Variants in CHRM3 observed in about 807,000 individuals in gnomAD.
CHRM3 encodes muscarinic acetylcholine receptor M3.
In CHRM3, 11 loss-of-function variants were observed where a neutral mutation model predicts 41.8. The observed-to-expected ratio is 0.26, with a 90% CI of 0.17 to 0.44. The LOEUF (loss-of-function observed/expected upper bound fraction) is 0.44. CHRM3 is among the 20% of genes least tolerant of loss of function. The pLI, the probability that CHRM3 is intolerant of heterozygous loss-of-function variation, is 1.00. For synonymous variants in CHRM3, 297 were observed against 301.4 expected (o/e 0.99, Z 0.15); for missense variants, 571 against 745.4 (o/e 0.77, Z 2.72).
At chr1:239,530,101 C>G (rs1670291289) in intron 2 of CHRM3, among the ~76,000 whole-genome samples, 2 of 152,120 alleles carry the variant, frequency 1.3e-5, no homozygotes. Flanking sequence ...GATGGGGTTT[C>G]ACCGTGTTAG....
chr1:239,768,457 C>CACTT (rs1407966813), intron 5 of CHRM3, among the ~76,000 whole-genome samples: 1 of 146,758 alleles, frequency 6.8e-6, no homozygotes, highest in Non-Finnish European at 1.5e-5. Flanking sequence ...AATGACGCAG[C>CACTT]ACTTATGCCT....
intron 2 of CHRM3, among the ~76,000 whole-genome samples, chr1:239,539,063 A>G (rs1238211944): frequency 6.6e-6 from 1 of 152,054 alleles, no homozygotes; most frequent in African/African-American, 2.4e-5. Context: ...GGCCCACCCA[A>G]CCCTTGGTGT....
At chr1:239,806,956 G>T (rs1257986736) in intron 5 of CHRM3, among the ~76,000 whole-genome samples, 2 of 152,140 alleles carry the variant, frequency 1.3e-5, no homozygotes, top group Non-Finnish European at 2.9e-5. Flanking sequence ...TCCATAGGCT[G>T]CACCCAAGCC....
chr1:239,422,654 G>T (rs1024577901), intron 1 of CHRM3, among the ~76,000 whole-genome samples: 2 of 151,944 alleles, frequency 1.3e-5, no homozygotes. Flanking sequence ...AATTAGCCAG[G>T]CATGGTGGCG....
At position 239,611,540 on chromosome 1, in the gene CHRM3, C is replaced by T. The variant is rs1230920220; in HGVS notation, c.-312-20684C>T. 7.2e-5 allele frequency among the ~76,000 whole-genome samples: 11 copies of T among 151,788 alleles called. No homozygotes were observed. In the East Asian group the frequency reaches 2.0e-3, roughly 27 times the overall value. On this transcript the variant is annotated intron_variant, in intron 3 of 6. Transcript: ENST00000676153. ...GGTTCAAGGGATTCTCCCGCCTCCA[C>T]CTCCTAAGTAGCTGGGATTACAGGC... is the stretch of plus-strand genomic sequence containing the variant.
chr1:239,617,162 C>T (rs1667724177), intron 3 of CHRM3, among the ~76,000 whole-genome samples: 2 of 152,156 alleles, frequency 1.3e-5, no homozygotes, highest in Admixed American at 1.3e-4. Context: ...TCACAGTCCA[C>T]ATCTCAGTTT....
intron 2 of CHRM3, among the ~76,000 whole-genome samples, chr1:239,497,103 G>A (rs926386785): frequency 1.3e-5 from 2 of 152,138 alleles, no homozygotes; most frequent in Admixed American, 1.3e-4. Context: ...GCCAAAGAGG[G>A]ACAGCATTTT....
intron 4 of CHRM3, among the ~76,000 whole-genome samples, chr1:239,674,613 G>A (rs1657790514): frequency 6.6e-6 from 1 of 151,428 alleles, no homozygotes; most frequent in Admixed American, 6.6e-5. Flanking sequence ...TGAAGGCTGA[G>A]GCAGGAGAAT....
intron 1 of CHRM3, among the ~76,000 whole-genome samples, chr1:239,417,893 T>C (rs547687572): frequency 8.4e-4 from 128 of 152,318 alleles, no homozygotes; most frequent in African/African-American, 2.9e-3. Flanking sequence ...CAGATTTTTT[T>C]CCTTGTCAAT....
At chr1:239,437,999 G>A (rs1663407890) in intron 1 of CHRM3, among the ~76,000 whole-genome samples, 1 of 152,140 alleles carries the variant, frequency 6.6e-6, no homozygotes, top group African/African-American at 2.4e-5. Context: ...GGGAATGGAG[G>A]GATCACATGG....
chr1:239,601,241 G>A (rs914778272), intron 3 of CHRM3, among the ~76,000 whole-genome samples: 1 of 152,196 alleles, frequency 6.6e-6, no homozygotes, highest in African/African-American at 2.4e-5. Context: ...GCTGTTTGGT[G>A]ATGGATGGGA....
intron 1 of CHRM3, among the ~76,000 whole-genome samples, chr1:239,425,660 G>T (rs1186661494): frequency 2.6e-5 from 4 of 152,116 alleles, no homozygotes; most frequent in African/African-American, 9.7e-5. Context: ...GTTTCACTGA[G>T]CGAAACTAAA....
At chr1:239,444,907 G>C (rs1196173981) in intron 1 of CHRM3, among the ~76,000 whole-genome samples, 1 of 152,170 alleles carries the variant, frequency 6.6e-6, no homozygotes, top group Non-Finnish European at 1.5e-5. Context: ...GGCGGAGATA[G>C]TAAAAGAAAG....
intron 1 of CHRM3, among the ~76,000 whole-genome samples, chr1:239,454,209 T>G (rs1664761700): frequency 1.3e-5 from 2 of 152,182 alleles, no homozygotes; most frequent in African/African-American, 4.8e-5. Context: ...ATAGCAAGTC[T>G]GAGCTTCTGG....
intron 5 of CHRM3, among the ~76,000 whole-genome samples, chr1:239,740,775 C>A (rs1664781153): frequency 6.6e-6 from 1 of 152,150 alleles, no homozygotes; most frequent in South Asian, 2.1e-4. Context: ...GATACCATTT[C>A]ACACCAGTTA....
intron 5 of CHRM3, among the ~76,000 whole-genome samples, chr1:239,821,644 G>A (rs1303837610): frequency 3.9e-5 from 6 of 152,176 alleles, no homozygotes; most frequent in Non-Finnish European, 8.8e-5. Context: ...GGGATAGAAA[G>A]TGATCACATT....
intron 3 of CHRM3, among the ~76,000 whole-genome samples, chr1:239,602,127 T>TATATATATATATATATATAC (rs1553337693): frequency 3.0e-5 from 4 of 132,650 alleles, no homozygotes; most frequent in Non-Finnish European, 6.5e-5. Flanking sequence ...TATATATATA[T>TATATATATATATATATATAC]ATATATATAT....
chr1:239,561,003 CT>C (rs1660804293), intron 3 of CHRM3, among the ~76,000 whole-genome samples: 1 of 152,098 alleles, frequency 6.6e-6, no homozygotes, highest in Admixed American at 6.6e-5. Flanking sequence ...CATTCAGTTC[CT>C]TAGTCGGTTT....
chr1:239,554,600 T>C (rs1660179658), intron 3 of CHRM3, among the ~76,000 whole-genome samples: 1 of 152,140 alleles, frequency 6.6e-6, no homozygotes, highest in South Asian at 2.1e-4. Flanking sequence ...TCAACTTTTC[T>C]AAAGCATAGT....
Sources: allele counts gnomAD v4.1 joint callset (sites outside exome capture counted in the v4.1 genomes callset), GRCh38; gene constraint gnomAD v4.1.1; transcripts MANE v1.5; gene names NCBI Gene and HGNC (gene_info 2026-07-23, HGNC 2026-07-21).